TPTE2: variants seen among roughly 807,000 people sequenced by gnomAD.
TPTE2 encodes transmembrane phosphoinositide 3-phosphatase and tensin homolog 2, also known as phosphatidylinositol 3,4,5-trisphosphate 3-phosphatase TPTE2.
In TPTE2, 53 loss-of-function variants were observed where a neutral mutation model predicts 78.6. The observed-to-expected ratio is 0.67, with a 90% CI of 0.54 to 0.85. The LOEUF (loss-of-function observed/expected upper bound fraction) is 0.85. TPTE2 is among the 40% of genes least tolerant of loss of function. The probability of loss-of-function intolerance (pLI) is 0.00; values close to 1 mark genes in which losing one functional copy is unlikely to be tolerated. For synonymous variants in TPTE2, 175 were observed against 206.2 expected, an observed-to-expected ratio of 0.85 and a Z score of 1.30; for missense variants, 461 against 623.0, an observed-to-expected ratio of 0.74 and a Z score of 2.77.
At chr13:19,545,710 T>C in the TPTE2 span, among the ~76,000 whole-genome samples, 1 of 152,224 alleles carries the variant, frequency 6.6e-6, no homozygotes. Context: ...GTCCCGTCCA[T>C]TCATGCATCT....
At chr13:19,431,560 G>A (rs1348136283) in intron 16 of TPTE2, among the ~76,000 whole-genome samples, 4 of 152,074 alleles carry the variant, frequency 2.6e-5, no homozygotes, top group African/African-American at 9.7e-5. Flanking sequence ...ATCTTTGATT[G>A]TTCATCTCAT....
intron 17 of TPTE2, among the ~76,000 whole-genome samples, chr13:19,429,665 T>C (rs1026284716): frequency 6.6e-6 from 1 of 151,884 alleles, no homozygotes; most frequent in Non-Finnish European, 1.5e-5. Context: ...ATGCCCTCAG[T>C]TGGGAGAGGC....
intron 14 of TPTE2, among the ~76,000 whole-genome samples, chr13:19,436,574 A>C (rs1877106497): frequency 6.6e-6 from 1 of 152,044 alleles, no homozygotes; most frequent in Non-Finnish European, 1.5e-5. Flanking sequence ...CACCATGCCC[A>C]GCTAATTTTT....
In TPTE2 at chr13:19,535,202, C is replaced by T. The variant is rs1413380168; in HGVS notation, c.-44+1394G>A. ...TGGGTGACAGAGTGAGATTCCTTCT[C>T]AAAAAAACAAACAAACAAAAAAATA... On this transcript the variant is annotated intron_variant, in intron 1 of 17. Coordinates refer to the TPTE2 transcript ENST00000390680. This position sits in a 1 kb window ranked among gnomAD's most constrained non-coding sequence, Gnocchi z 5.1. Among the ~76,000 whole-genome samples the T allele has an allele frequency of 1.7e-5, 2 of 117,424 alleles. No homozygotes were observed. The highest frequency in any genetic ancestry group is 3.2e-4 in the South Asian group (1 of 3,164). 77.0% of individuals were successfully genotyped at this position (117,424 alleles called of 152,430 possible). A position where few individuals can be genotyped will look rare whatever the true frequency, so the allele number is the denominator to read the frequency against.
At chr13:19,523,873 C>G (rs766963829) in intron 1 of TPTE2, among the ~76,000 whole-genome samples, 4 of 152,178 alleles carry the variant, frequency 2.6e-5, no homozygotes, top group Non-Finnish European at 5.9e-5. Context: ...CTAAAGTCAT[C>G]AGTCAACATA....
At chr13:19,471,805 T>C (rs1211607235) in intron 6 of TPTE2, among the ~76,000 whole-genome samples, 2 of 152,216 alleles carry the variant, frequency 1.3e-5, no homozygotes, top group East Asian at 1.9e-4. Context: ...TGCTCATTAA[T>C]GTCCTTATCT....
exon 6 of TPTE2, chr13:19,473,939 C>T (rs1269235518): frequency 1.2e-6 from 2 of 1,604,022 alleles, no homozygotes; most frequent in Non-Finnish European, 1.7e-6. Context: ...CGAAGAAGAA[C>T]ATCCATGAGA....
the TPTE2 span, chr13:19,561,180 G>A: frequency 2.6e-6 from 4 of 1,563,460 alleles, no homozygotes; most frequent in East Asian, 2.3e-5. Flanking sequence ...CTCTGTCTCC[G>A]AGGAGCCCTT....
the TPTE2 span, among the ~76,000 whole-genome samples, chr13:19,550,668 G>A: frequency 6.6e-5 from 10 of 152,210 alleles, no homozygotes; most frequent in South Asian, 2.1e-4. Flanking sequence ...AGTGAGGCTT[G>A]GAGAGATCAA....
chr13:19,520,911 CCTTCTCTT>C lies in TPTE2; in HGVS notation c.-44+15677_-44+15684del, dbSNP rs1420290828. Among the ~76,000 whole-genome samples, 3 of 151,960 alleles carry C rather than the reference CCTTCTCTT, an allele frequency of 2.0e-5. No individual in the cohort carries two copies. In the East Asian group the frequency reaches 5.8e-4, roughly 29 times the overall value. On this transcript the variant is annotated intron_variant, in intron 1 of 17. Transcript: ENST00000390680. The stretch of plus-strand genomic sequence containing the variant: ...ATATATTGGTGAATTTCCCAAATTT[CCTTCTCTT>C]ACTATTCTAACCTCATTTTATTGTA...
At chr13:19,509,696 A>T (rs1869302680) in intron 1 of TPTE2, among the ~76,000 whole-genome samples, 1 of 152,200 alleles carries the variant, frequency 6.6e-6, no homozygotes, top group Non-Finnish European at 1.5e-5. Context: ...CATACTTACT[A>T]CAAAATCTAT....
chr13:19,443,693 T>A (rs1439775938), intron 13 of TPTE2, among the ~76,000 whole-genome samples: 2 of 151,452 alleles, frequency 1.3e-5, no homozygotes, highest in African/African-American at 4.9e-5. Flanking sequence ...GTGTAAGCCA[T>A]GGCACCCAGC....
intron 10 of TPTE2, among the ~76,000 whole-genome samples, chr13:19,453,483 C>T (rs984240787): frequency 1.2e-4 from 18 of 150,480 alleles, no homozygotes; most frequent in Admixed American, 1.1e-3. Context: ...TTTCCAAATC[C>T]ACTTCCTAGT....
chr13:19,520,886 A>T (rs534122799), intron 1 of TPTE2, among the ~76,000 whole-genome samples: 10 of 152,070 alleles, frequency 6.6e-5, no homozygotes, highest in African/African-American at 2.4e-4. Context: ...TTTCATTTCC[A>T]TATATTGGTG....
chr13:19,441,593 C>A (rs918290404), intron 13 of TPTE2, among the ~76,000 whole-genome samples: 2 of 152,104 alleles, frequency 1.3e-5, no homozygotes, highest in Non-Finnish European at 2.9e-5. Flanking sequence ...CAGGAAAAAG[C>A]ATTCACTAAC....
At chr13:19,453,712 T>C (rs1419176127) in intron 10 of TPTE2, among the ~76,000 whole-genome samples, 1 of 152,064 alleles carries the variant, frequency 6.6e-6, no homozygotes, top group Non-Finnish European at 1.5e-5. Context: ...TACATTTTTC[T>C]GGTCACAATC....
intron 1 of TPTE2, among the ~76,000 whole-genome samples, chr13:19,498,672 C>T (rs982317043): frequency 4.8e-4 from 73 of 152,018 alleles, no homozygotes; most frequent in Admixed American, 2.2e-3. Flanking sequence ...AAGGAACAAC[C>T]GGTACCAGCC....
chr13:19,478,806 T>C lies in TPTE2; in HGVS notation c.180-3183A>G, dbSNP rs992796885. On this transcript the variant is annotated intron_variant, in intron 4 of 19. Transcript: ENST00000400230. ...CTGGATTAAGAAAATGTGGCACATA[T>C]ACACCATGGAATACTATGCAGCCAT... Among the ~76,000 whole-genome samples, 3 of 152,162 alleles carry C rather than the reference T, an allele frequency of 2.0e-5. No individual in the cohort carries two copies. The East Asian group carries it at 5.8e-4, about 29-fold the overall frequency.
intron 10 of TPTE2, among the ~76,000 whole-genome samples, chr13:19,462,691 C>T (rs549728681): frequency 2.6e-5 from 4 of 151,748 alleles, no homozygotes; most frequent in African/African-American, 7.3e-5. Context: ...TACAGGTTCA[C>T]GCCACCACAC....
Sources: allele counts gnomAD v4.1 joint callset (sites outside exome capture counted in the v4.1 genomes callset), GRCh38; gene constraint gnomAD v4.1.1; non-coding constraint Gnocchi (gnomAD v3.1); transcripts MANE v1.5; gene names NCBI Gene and HGNC (gene_info 2026-07-23, HGNC 2026-07-21).